Variants in ADAMTS9 observed in about 807,000 individuals in gnomAD.
ADAMTS9 encodes the protein A disintegrin and metalloproteinase with thrombospondin motifs 9.
Under a neutral mutation model 257.1 loss-of-function variants are expected in ADAMTS9, and 107 were observed. The ratio of observed to expected loss-of-function variants is 0.42; its 90% CI spans 0.36 to 0.49. ADAMTS9 has a LOEUF of 0.49. ADAMTS9 is among the 20% of genes least tolerant of loss of function. The pLI is 0.03. For missense variants in ADAMTS9, 2,353 were observed against 2,469.1 expected, an observed-to-expected ratio of 0.95 and a Z score of 1.00; for synonymous variants, 982 against 880.9, an observed-to-expected ratio of 1.11 and a Z score of -2.03.
chr3:64,561,523 G>A lies in ADAMTS9; in HGVS notation c.4698+55C>T, dbSNP rs931290441. 6.4e-6 allele frequency: 10 copies of A among 1,556,964 alleles called. No individual in the cohort carries two copies. In the East Asian group the frequency reaches 1.3e-4, roughly 21 times the overall value. ...TTTATAGGGAACAGATGTGAGGATAGCAAGGGGCGCACACGTGAAATGCCT... is the reference window on the plus strand; with the variant it reads ...TTTATAGGGAACAGATGTGAGGATAACAAGGGGCGCACACGTGAAATGCCT... On this transcript the variant is annotated intron_variant, in intron 30 of 39. Coordinates refer to ENST00000498707, the MANE Select transcript of ADAMTS9 (RefSeq NM_182920.2).
At chr3:64,591,669 T>C (rs1174420348) in intron 28 of ADAMTS9, among the ~76,000 whole-genome samples, 1 of 152,102 alleles carries the variant, frequency 6.6e-6, no homozygotes, top group Non-Finnish European at 1.5e-5. Flanking sequence ...ATATTAATAG[T>C]GATTTGGGGT....
At chr3:64,595,733 T>C (rs2084353393) in intron 27 of ADAMTS9, among the ~76,000 whole-genome samples, 1 of 152,188 alleles carries the variant, frequency 6.6e-6, no homozygotes, top group African/African-American at 2.4e-5. Context: ...CCATGAAATG[T>C]GGACACGTGA....
chr3:64,672,637 C>T (rs978147672), intron 3 of ADAMTS9, among the ~76,000 whole-genome samples: 3 of 151,770 alleles, frequency 2.0e-5, no homozygotes, highest in African/African-American at 7.3e-5. Context: ...GGGTCAAGAT[C>T]GCGCCACTGC....
chr3:64,684,043 A>T (rs150499998), intron 2 of ADAMTS9, among the ~76,000 whole-genome samples: 1 of 152,172 alleles, frequency 6.6e-6, no homozygotes, highest in Non-Finnish European at 1.5e-5. Context: ...GACCAAGTAA[A>T]TTCCAAGGCA....
chr3:64,649,567 A>T, intron 10 of ADAMTS9, 70 bp downstream of exon 10: 2 of 1,504,150 alleles, frequency 1.3e-6, no homozygotes, highest in Non-Finnish European at 1.8e-6. Context: ...TTAGAATGCA[A>T]TGGAAAACTA....
At chr3:64,525,320 T>C (rs2082897375) in intron 38 of ADAMTS9, among the ~76,000 whole-genome samples, 1 of 152,224 alleles carries the variant, frequency 6.6e-6, no homozygotes, top group African/African-American at 2.4e-5. Flanking sequence ...AATTATGGCC[T>C]CATATTCCAT....
chr3:64,534,268 G>A (rs192573780), intron 37 of ADAMTS9, among the ~76,000 whole-genome samples: 3 of 152,190 alleles, frequency 2.0e-5, no homozygotes, highest in East Asian at 3.9e-4. Flanking sequence ...CTCACCTCTT[G>A]GAACCTCAGT....
intron 22 of ADAMTS9, among the ~76,000 whole-genome samples, chr3:64,611,138 A>G (rs1177669114): frequency 6.6e-6 from 1 of 151,696 alleles, no homozygotes; most frequent in Non-Finnish European, 1.5e-5. Context: ...AGCAACTCCA[A>G]TCCTAGATAC....
intron 22 of ADAMTS9, among the ~76,000 whole-genome samples, 198 bp from the exon 23 acceptor site, chr3:64,607,277 T>C (rs1284977891): frequency 6.6e-6 from 1 of 152,200 alleles, no homozygotes; most frequent in Non-Finnish European, 1.5e-5. Flanking sequence ...CCCTTGGAAT[T>C]ATTTCTGCCT....
intron 3 of ADAMTS9, among the ~76,000 whole-genome samples, chr3:64,673,597 A>ACT (rs1701546245): frequency 6.6e-6 from 1 of 152,362 alleles, no homozygotes; most frequent in South Asian, 2.1e-4. Flanking sequence ...CTAACTGATG[A>ACT]TTGTAAAAAG....
chr3:64,597,132 C>T, intron 26 of ADAMTS9, 141 bp from the exon 27 acceptor site: 1 of 1,124,772 alleles, frequency 8.9e-7, no homozygotes, highest in Non-Finnish European at 1.3e-6. Flanking sequence ...ATCAGGAAAA[C>T]CCAAGAACTT....
chr3:64,554,222 C>G (rs1285031740), intron 30 of ADAMTS9, among the ~76,000 whole-genome samples: 2 of 152,142 alleles, frequency 1.3e-5, no homozygotes, highest in Non-Finnish European at 2.9e-5. Flanking sequence ...CTCTCTCAGT[C>G]TTAAAGAATG....
At position 64,687,629 on chromosome 3, in the gene ADAMTS9, A is replaced by T; in HGVS notation, c.29T>A (p.Leu10Gln). 1 of 1,581,900 alleles carries T rather than the reference A, an allele frequency of 6.3e-7. No individual in the cohort carries two copies. Among genetic ancestry groups the T allele is most frequent in the Non-Finnish European group, 8.6e-7 (1 of 1,165,602 alleles). ...GGCCAGGTCCCGCACCAGGAGCGTT[A>T]GCAGTGTGGCCCAGGATACAAACTG... MQFVSWATLLTLLVRDLAEM... is the reference protein window; with the variant it reads MQFVSWATLQTLLVRDLAEM... The change falls in exon 1 of 40, where the codon CTA becomes CAA. Residue 10 changes from leucine to glutamine, a missense_variant. By Grantham distance (113) the Leu-to-Gln change is moderately radical. Transcript: ENST00000498707. This position sits in a 1 kb window ranked among gnomAD's most constrained non-coding sequence, Gnocchi z 4.4.
At chr3:64,652,299 T>G (rs1054092392) in intron 8 of ADAMTS9, among the ~76,000 whole-genome samples, 1 of 152,222 alleles carries the variant, frequency 6.6e-6, no homozygotes, top group Non-Finnish European at 1.5e-5. Context: ...TCTTTAAAGT[T>G]TATGCCTCTT....
chr3:64,609,402 A>G (rs2084625127), intron 22 of ADAMTS9, among the ~76,000 whole-genome samples: 1 of 152,144 alleles, frequency 6.6e-6, no homozygotes, highest in Admixed American at 6.5e-5. Flanking sequence ...CATTAAAACT[A>G]TTACTACAGC....
At chr3:64,622,697 T>C (rs570837905) in intron 16 of ADAMTS9, 111 bp from the exon 17 acceptor site, 3 of 1,190,274 alleles carry the variant, frequency 2.5e-6, no homozygotes, top group Non-Finnish European at 3.5e-6. Context: ...GAATGGGGAC[T>C]TTTGAGGCAG....
intron 11 of ADAMTS9, among the ~76,000 whole-genome samples, chr3:64,643,304 C>T (rs1700703094): frequency 6.6e-6 from 1 of 152,104 alleles, no homozygotes; most frequent in African/African-American, 2.4e-5. Flanking sequence ...AGACACAGAA[C>T]ATGAACCACA....
chr3:64,670,375 G>T (rs1701457967), intron 3 of ADAMTS9, among the ~76,000 whole-genome samples: 2 of 152,138 alleles, frequency 1.3e-5, no homozygotes, highest in African/African-American at 4.8e-5. Flanking sequence ...TTTTCTCTTG[G>T]CCTAGACCAT....
intron 11 of ADAMTS9, among the ~76,000 whole-genome samples, chr3:64,642,508 C>T (rs1206380069): frequency 3.9e-5 from 6 of 152,044 alleles, no homozygotes; most frequent in African/African-American, 4.8e-5. Context: ...CAGGATGAGA[C>T]GAAAGCAAAA....
Sources: allele counts gnomAD v4.1 joint callset (sites outside exome capture counted in the v4.1 genomes callset), GRCh38; gene constraint gnomAD v4.1.1; non-coding constraint Gnocchi (gnomAD v3.1); transcripts MANE v1.5; gene names NCBI Gene and HGNC (gene_info 2026-07-23, HGNC 2026-07-21).